The following CFDP1 variants were observed in gnomAD, a reference collection of about 807,000 sequenced individuals.
The protein encoded by CFDP1 is heterochromatin-stabilizing protein CFDP1.
Under a neutral mutation model 40.1 loss-of-function variants are expected in CFDP1, and 31 were observed. The ratio of observed to expected loss-of-function variants is 0.77; its 90% CI spans 0.58 to 1.04. The LOEUF (loss-of-function observed/expected upper bound fraction) is 1.04, where lower values mean the gene tolerates loss of function less well. CFDP1 is among the 50% of genes least tolerant of loss of function. CFDP1 has a pLI of 0.00. For missense variants in CFDP1, 423 were observed against 343.4 expected, an observed-to-expected ratio of 1.23 and a Z score of -1.83; for synonymous variants, 167 against 120.0, an observed-to-expected ratio of 1.39 and a Z score of -2.56.
intron 4 of CFDP1, among the ~76,000 whole-genome samples, chr16:75,399,185 G>A (rs1361224635): frequency 6.6e-6 from 1 of 151,890 alleles, no homozygotes; most frequent in Non-Finnish European, 1.5e-5. Context: ...CTGGAACCAA[G>A]AGAAATTATA....
chr16:75,428,169 TG>T (rs2079363455), intron 1 of CFDP1, among the ~76,000 whole-genome samples: 1 of 151,184 alleles, frequency 6.6e-6, no homozygotes, highest in Admixed American at 6.6e-5. Flanking sequence ...GGCTTGAAAC[TG>T]TTCATTTTGG....
intron 4 of CFDP1, among the ~76,000 whole-genome samples, chr16:75,397,098 T>C (rs947678112): frequency 6.6e-6 from 1 of 151,978 alleles, no homozygotes; most frequent in Non-Finnish European, 1.5e-5. Flanking sequence ...GTATTTTTAG[T>C]AGAGATGGGG....
chr16:75,304,217 C>T (rs910700742), intron 6 of CFDP1, among the ~76,000 whole-genome samples: 1 of 152,044 alleles, frequency 6.6e-6, no homozygotes, highest in Non-Finnish European at 1.5e-5. Context: ...TACAAGTGTG[C>T]ACCACTATGC....
intron 4 of CFDP1, among the ~76,000 whole-genome samples, chr16:75,396,720 C>A (rs1383711240): frequency 9.0e-6 from 1 of 111,608 alleles, no homozygotes; most frequent in African/African-American, 2.8e-5. Context: ...AAACTGAGTC[C>A]TAAAGGCTCA....
At chr16:75,340,670 G>C (rs1326466884) in intron 5 of CFDP1, among the ~76,000 whole-genome samples, 1 of 152,180 alleles carries the variant, frequency 6.6e-6, no homozygotes, top group Non-Finnish European at 1.5e-5. Context: ...AAAGTTTTAA[G>C]AAACTTAAGA....
chr16:75,366,146 T>C (rs2078712152), intron 5 of CFDP1, among the ~76,000 whole-genome samples: 1 of 152,242 alleles, frequency 6.6e-6, no homozygotes, highest in South Asian at 2.1e-4. Flanking sequence ...CATCAACTGA[T>C]GAATGGGATA....
chr16:75,433,365 C>G lies in CFDP1; in HGVS notation c.-13G>C, dbSNP rs376571202. 2.5e-6 allele frequency: 4 copies of G among 1,582,522 alleles called. No homozygotes were observed. Among genetic ancestry groups the G allele is most frequent in the Non-Finnish European group, 2.6e-6 (3 of 1,164,330 alleles). On this transcript the variant is annotated 5_prime_UTR_variant, in exon 1 of 7. Transcript: ENST00000283882. The stretch of plus-strand genomic sequence containing the variant: ...CGAATTCCTCCATGTTGCTGCCGCT[C>G]GACGCTGGTCAAACTCACAAGACCG...
At chr16:75,407,668 A>G (rs1597390825) in intron 4 of CFDP1, among the ~76,000 whole-genome samples, 1 of 146,550 alleles carries the variant, frequency 6.8e-6, no homozygotes. Context: ...AAAAAAAAAA[A>G]AAAAGAAAAA....
chr16:75,433,302 G>T lies in CFDP1; in HGVS notation c.51C>A (p.Asp17Glu). The change falls in exon 1 of 7, where the codon GAC (aspartate) becomes GAA (glutamate). Residue 17 changes from aspartate to glutamate, a missense_variant. Asp to Glu is a conservative substitution (Grantham distance 45). Coordinates refer to ENST00000283882, the MANE Select transcript of CFDP1 (RefSeq NM_006324.3). ...GGAATCGCTCACCCGACGGCACGTA[G>T]TCCTCGTCCTCCTCCGACGTAGAGA... Reference protein sequence around the residue: ...EDFSTSEEDEDYVPSGGEYSE... With the variant: ...EDFSTSEEDEEYVPSGGEYSE... 6.2e-7 allele frequency: 1 copy of T among 1,600,712 alleles called. No homozygotes were observed. The highest frequency in any genetic ancestry group is 8.5e-7 in the Non-Finnish European group (1 of 1,174,858).
At chr16:75,344,036 G>A (rs145103557) in intron 5 of CFDP1, among the ~76,000 whole-genome samples, 22 of 152,268 alleles carry the variant, frequency 1.4e-4, no homozygotes, top group Admixed American at 7.2e-4. Flanking sequence ...AAAGCAGCAC[G>A]AATAATTTTA....
At chr16:75,361,309 G>GC (rs2151531901) in intron 5 of CFDP1, among the ~76,000 whole-genome samples, 1 of 152,224 alleles carries the variant, frequency 6.6e-6, no homozygotes, top group South Asian at 2.1e-4. Flanking sequence ...CCACACCCAG[G>GC]CAAGTCAGAT....
chr16:75,337,409 C>T (rs745718668), intron 5 of CFDP1, among the ~76,000 whole-genome samples: 2 of 152,220 alleles, frequency 1.3e-5, no homozygotes, highest in Non-Finnish European at 2.9e-5. Context: ...GAGGCGCAGG[C>T]CATTAGGCTT....
At chr16:75,376,211 AG>A (rs1220184004) in intron 5 of CFDP1, among the ~76,000 whole-genome samples, 1 of 152,236 alleles carries the variant, frequency 6.6e-6, no homozygotes, top group Non-Finnish European at 1.5e-5. Flanking sequence ...ACCCTGTCTC[AG>A]AAAAACCAAA....
intron 4 of CFDP1, among the ~76,000 whole-genome samples, chr16:75,403,693 A>ACTTT (rs2079074508): frequency 6.6e-6 from 1 of 152,198 alleles, no homozygotes; most frequent in Non-Finnish European, 1.5e-5. Context: ...ACATTAACAT[A>ACTTT]CTTTCTATAT....
intron 5 of CFDP1, among the ~76,000 whole-genome samples, chr16:75,385,488 A>G (rs2078888972): frequency 6.6e-6 from 1 of 152,198 alleles, no homozygotes; most frequent in African/African-American, 2.4e-5. Flanking sequence ...TCCCAAGGAA[A>G]AAAATGAAAG....
chr16:75,431,710 G>C (rs1424545702), intron 1 of CFDP1, among the ~76,000 whole-genome samples: 1 of 152,118 alleles, frequency 6.6e-6, no homozygotes, highest in Non-Finnish European at 1.5e-5. Flanking sequence ...CTACGGAGTT[G>C]GGGAGGCCCC....
chr16:75,359,730 CAT>C, intron 5 of CFDP1, among the ~76,000 whole-genome samples: 1 of 152,278 alleles, frequency 6.6e-6, no homozygotes, highest in East Asian at 1.9e-4. Flanking sequence ...AATTTGGAGA[CAT>C]ATCAGGTTTT....
At chr16:75,401,850 T>TA (rs71763293) in intron 4 of CFDP1, among the ~76,000 whole-genome samples, 3 of 151,494 alleles carry the variant, frequency 2.0e-5, no homozygotes, top group Non-Finnish European at 2.9e-5. Context: ...GTTGAACATA[T>TA]AAAAAAAAAT....
intron 1 of CFDP1, among the ~76,000 whole-genome samples, chr16:75,431,092 A>G (rs2079408284): frequency 6.6e-6 from 1 of 152,184 alleles, no homozygotes; most frequent in African/African-American, 2.4e-5. Flanking sequence ...GAAGTGCAGG[A>G]AAAGTAATCT....
Sources: allele counts gnomAD v4.1 joint callset (sites outside exome capture counted in the v4.1 genomes callset), GRCh38; gene constraint gnomAD v4.1.1; transcripts MANE v1.5; gene names NCBI Gene and HGNC (gene_info 2026-07-23, HGNC 2026-07-21).